The following C12orf42 variants were observed in gnomAD, a reference collection of about 807,000 sequenced individuals.
C12orf42 encodes uncharacterized protein C12orf42.
Under a neutral mutation model 21.6 loss-of-function variants are expected in C12orf42, and 25 were observed. The observed-to-expected ratio is 1.16, with a 90% CI of 0.84 to 1.62. The LOEUF is 1.62. Ranked by LOEUF, C12orf42 falls within the 40% of genes most tolerant of loss-of-function variation. The pLI, the probability that C12orf42 is intolerant of heterozygous loss-of-function variation, is 0.00. For synonymous variants in C12orf42, 174 were observed against 175.0 expected, an observed-to-expected ratio of 0.99 and a Z score of 0.05; for missense variants, 483 against 459.3, an observed-to-expected ratio of 1.05 and a Z score of -0.47.
At chr12:103,240,744 A>T (rs1322710683) in intron 10 of C12orf42, among the ~76,000 whole-genome samples, 1 of 152,204 alleles carries the variant, frequency 6.6e-6, no homozygotes, top group Non-Finnish European at 1.5e-5. Context: ...AATTGGAGTT[A>T]TGCCATCTTT....
chr12:103,545,330 A>C, the C12orf42 span, among the ~76,000 whole-genome samples: 1 of 152,250 alleles, frequency 6.6e-6, no homozygotes, highest in African/African-American at 2.4e-5. Context: ...TATAAAAGCA[A>C]GTTGCAAATA....
At chr12:103,342,989 C>A (rs1332896880) in intron 4 of C12orf42, among the ~76,000 whole-genome samples, 1 of 152,110 alleles carries the variant, frequency 6.6e-6, no homozygotes, top group Non-Finnish European at 1.5e-5. Flanking sequence ...AGCTGTTTTA[C>A]CATTTAATAA....
the C12orf42 span, among the ~76,000 whole-genome samples, chr12:103,206,810 C>T: frequency 6.6e-6 from 1 of 152,160 alleles, no homozygotes; most frequent in African/African-American, 2.4e-5. Flanking sequence ...TTCATATTCA[C>T]CATCCATAAT....
the C12orf42 span, among the ~76,000 whole-genome samples, chr12:103,180,019 G>A: frequency 2.0e-5 from 3 of 152,068 alleles, no homozygotes; most frequent in Non-Finnish European, 4.4e-5. Flanking sequence ...GACAAATTCT[G>A]GTGCCTCCTG....
At chr12:103,139,346 A>G in the C12orf42 span, among the ~76,000 whole-genome samples, 23 of 152,216 alleles carry the variant, frequency 1.5e-4, no homozygotes, top group African/African-American at 5.3e-4. Context: ...TGAAAGACTG[A>G]CTTTTGATTT....
the C12orf42 span, among the ~76,000 whole-genome samples, chr12:103,143,315 G>T: frequency 6.6e-6 from 1 of 152,170 alleles, no homozygotes; most frequent in African/African-American, 2.4e-5. Flanking sequence ...AAAATTAGTG[G>T]GTAGAAGTAG....
chr12:103,224,573 TCTGGGCCAGGAACA>T, the C12orf42 span, among the ~76,000 whole-genome samples: 1 of 152,222 alleles, frequency 6.6e-6, no homozygotes, highest in South Asian at 2.1e-4. Flanking sequence ...CAGATTGAAG[TCTGGGCCAGGAACA>T]ATGGTAATTG....
At chr12:103,151,503 T>G in the C12orf42 span, among the ~76,000 whole-genome samples, 1 of 152,156 alleles carries the variant, frequency 6.6e-6, no homozygotes, top group African/African-American at 2.4e-5. Flanking sequence ...TTCAAATATA[T>G]AAACTGCCAT....
intron 2 of C12orf42, among the ~76,000 whole-genome samples, chr12:103,476,025 G>C (rs557714029): frequency 5.3e-5 from 8 of 152,218 alleles, no homozygotes; most frequent in African/African-American, 1.7e-4. Context: ...AGCAACAACT[G>C]TCCAAGAAAC....
intron 3 of C12orf42, among the ~76,000 whole-genome samples, chr12:103,381,330 C>T (rs1555277111): frequency 1.3e-5 from 2 of 152,106 alleles, no homozygotes; most frequent in African/African-American, 2.4e-5. Context: ...CAGGTTAATG[C>T]AATTGTCAAA....
At chr12:103,368,043 A>C (rs2044782812) in intron 4 of C12orf42, 1 of 1,279,108 alleles carries the variant, frequency 7.8e-7, no homozygotes. Flanking sequence ...AAACTTCATT[A>C]TCTCTTAGGT....
intron 4 of C12orf42, among the ~76,000 whole-genome samples, chr12:103,342,768 A>G (rs2137274077): frequency 6.6e-6 from 1 of 151,108 alleles, no homozygotes; most frequent in African/African-American, 2.4e-5. Context: ...AAATTAGAGC[A>G]ATTACGTCAG....
the C12orf42 span, among the ~76,000 whole-genome samples, chr12:103,088,643 A>C: frequency 1.0e-3 from 158 of 152,314 alleles, 2 homozygotes; most frequent in South Asian, 8.5e-3. Context: ...AATGGAGCTG[A>C]CCTATGCATT....
At chr12:103,128,174 G>T in the C12orf42 span, among the ~76,000 whole-genome samples, 4 of 152,148 alleles carry the variant, frequency 2.6e-5, no homozygotes, top group Non-Finnish European at 5.9e-5. Flanking sequence ...ATGCTTCCCA[G>T]TTGCCCATCC....
At chr12:103,113,095 CT>C in the C12orf42 span, among the ~76,000 whole-genome samples, 1,534 of 146,038 alleles carry the variant, frequency 0.011, 6 homozygotes, top group Non-Finnish European at 0.017. Flanking sequence ...CTTGACCCAT[CT>C]TTTTTTTTTT....
the C12orf42 span, among the ~76,000 whole-genome samples, chr12:103,049,172 G>A: frequency 2.5e-3 from 382 of 152,298 alleles, 1 homozygote; most frequent in Non-Finnish European, 4.4e-3. Context: ...TTGAATGTGT[G>A]AAAGCCATCT....
rs187515735 is a variant in C12orf42, at chr12:103,457,892, C to T, written c.78+20457G>A. On this transcript the variant is annotated intron_variant, in intron 2 of 5. Coordinates refer to ENST00000548883, the MANE Select transcript of C12orf42 (RefSeq NM_198521.5). ...ATTGGACTAAAAAATGTGGCCATAA[C>T]AGGATGTTATTTCATATAAGACCTG... Among the ~76,000 whole-genome samples the T allele has an allele frequency of 6.6e-5, 10 of 152,204 alleles. No homozygotes were observed. In the East Asian group the frequency reaches 1.4e-3, roughly 21 times the overall value.
At chr12:103,509,220 G>T in the C12orf42 span, among the ~76,000 whole-genome samples, 4 of 152,134 alleles carry the variant, frequency 2.6e-5, no homozygotes, top group Admixed American at 6.5e-5. Context: ...CATTCAGCAG[G>T]TATTGAACCT....
chr12:103,294,705 T>C (rs1419290401), intron 4 of C12orf42, among the ~76,000 whole-genome samples: 1 of 152,142 alleles, frequency 6.6e-6, no homozygotes, highest in Non-Finnish European at 1.5e-5. Context: ...CAGAGAATTA[T>C]ATTTCACAAA....
Sources: allele counts gnomAD v4.1 joint callset (sites outside exome capture counted in the v4.1 genomes callset), GRCh38; gene constraint gnomAD v4.1.1; transcripts MANE v1.5; gene names NCBI Gene and HGNC (gene_info 2026-07-23, HGNC 2026-07-21).